The following MBTPS2 variants were observed in gnomAD, a reference collection of about 807,000 sequenced individuals.
The protein encoded by MBTPS2 is membrane-bound transcription factor site-2 protease.
A neutral mutation model predicts 35.4 loss-of-function variants in MBTPS2; 2 were observed. The observed-to-expected ratio is 0.06, with a 90% confidence interval of 0.02 to 0.18. The LOEUF (loss-of-function observed/expected upper bound fraction) is 0.18, where lower values mean the gene tolerates loss of function less well. Among genes scored for constraint, MBTPS2 ranks in the 10% least tolerant of loss-of-function variants. The probability of loss-of-function intolerance (pLI) is 1.00; values close to 1 mark genes in which losing one functional copy is unlikely to be tolerated. For synonymous variants in MBTPS2, 125 were observed against 140.4 expected (o/e 0.89, Z 0.77); for missense variants, 244 against 386.5 (o/e 0.63, Z 3.09).
At chrX:21,852,097 A>G (rs2092915414) in intron 4 of MBTPS2, among the ~76,000 whole-genome samples, 1 of 112,180 alleles carries the variant, frequency 8.9e-6, no homozygotes, top group African/African-American at 3.2e-5. Context: ...TAGAAACCCA[A>G]GTGGAAGATA....
chrX:21,872,852 C>G (rs778555179), intron 7 of MBTPS2: 31 of 106,661 alleles, frequency 2.9e-4, no homozygotes, highest in Non-Finnish European at 4.4e-4. Flanking sequence ...AGGCTTAGCC[C>G]CTGGGTCTGT....
chrX:21,850,692 T>C lies in MBTPS2; in HGVS notation c.439-817T>C, dbSNP rs1049150913. On this transcript the variant is annotated intron_variant, in intron 3 of 10. Coordinates refer to ENST00000379484, the MANE Select transcript of MBTPS2 (RefSeq NM_015884.4). Reference sequence around the variant, plus strand: ...TTATCTTACGAGAATATATCTTTGCTATCTAAAAAAATTTGCTGTGCAGCT... The same window carrying C: ...TTATCTTACGAGAATATATCTTTGCCATCTAAAAAAATTTGCTGTGCAGCT... Among the ~76,000 whole-genome samples, 4 of 111,442 alleles carry C rather than the reference T, an allele frequency of 3.6e-5. No individual in the cohort carries two copies. In the Admixed American group the frequency reaches 3.8e-4, roughly 11 times the overall value.
chrX:21,865,536 C>T (rs1318387559), intron 5 of MBTPS2, among the ~76,000 whole-genome samples: 1 of 112,171 alleles, frequency 8.9e-6, no homozygotes, highest in Admixed American at 9.5e-5. Flanking sequence ...AAACCCTGTT[C>T]TTATTTGTAT....
Position 21,845,236 on chromosome X carries a change from C to T in MBTPS2, c.290C>T (p.Thr97Met), listed in dbSNP as rs199974151. The T allele has an allele frequency of 4.1e-5, 49 of 1,209,409 alleles. 1 individual carries two copies. The Middle Eastern group carries it at 6.9e-4, about 17-fold the overall frequency. The change falls in exon 3 of 11, where the codon ACG becomes ATG. Residue 97 changes from threonine (T) to methionine (M), a missense_variant. Physicochemically the swap from Thr to Met is moderately conservative, Grantham distance 81. Coordinates refer to ENST00000379484, the MANE Select transcript of MBTPS2 (RefSeq NM_015884.4). ...MFSSFFLLGK[T>M]LMQTLAQMMA... Reference sequence around the variant, plus strand: ...AGCTCATTTTTTCTCCTTGGAAAAACGCTGATGCAGACTTTGGCACAAATG... The same window carrying T: ...AGCTCATTTTTTCTCCTTGGAAAAATGCTGATGCAGACTTTGGCACAAATG...
In MBTPS2 at chrX:21,883,284, A is replaced by G. The variant is rs954608031; in HGVS notation, c.*629A>G. 5.0e-5 allele frequency: 38 copies of G among 756,627 alleles called. No individual in the cohort carries two copies. Among genetic ancestry groups the G allele is most frequent in the Non-Finnish European group, 5.8e-5 (37 of 640,679 alleles). The allele number at this position is 756,627 out of a possible 1,213,427, so 62.4% of individuals were successfully genotyped here. A position where few individuals can be genotyped will look rare whatever the true frequency, so the allele number is the denominator to read the frequency against. The stretch of plus-strand genomic sequence containing the variant: ...CAAAACAGGAAGTAGGGCCTATGAT[A>G]TCGTGAGACATGTTTTGCCCCACAA... On this transcript the variant is annotated 3_prime_UTR_variant, in exon 11 of 11. Transcript: ENST00000379484.
intron 10 of MBTPS2, among the ~76,000 whole-genome samples, chrX:21,881,942 A>G (rs768631107): frequency 7.1e-5 from 8 of 111,900 alleles, no homozygotes; most frequent in African/African-American, 2.3e-4. Context: ...TCTCAACAAC[A>G]ACAACAAAAA....
chrX:21,860,018 G>A (rs2092929290), intron 5 of MBTPS2, among the ~76,000 whole-genome samples: 1 of 109,168 alleles, frequency 9.2e-6, no homozygotes, highest in Admixed American at 9.7e-5. Flanking sequence ...CTGGAGCTGG[G>A]GAAGTCGAGG....
chrX:21,857,423 C>T, intron 5 of MBTPS2: 3 of 1,212,262 alleles, frequency 2.5e-6, no homozygotes, highest in Non-Finnish European at 3.3e-6. Flanking sequence ...CCTTTCAGTG[C>T]ACATTCGAAG....
At chrX:21,851,993 T>A (rs1013736023) in intron 4 of MBTPS2, among the ~76,000 whole-genome samples, 2 of 112,104 alleles carry the variant, frequency 1.8e-5, no homozygotes, top group African/African-American at 3.2e-5. Context: ...ATTTGACTTA[T>A]CAGCTGAAAT....
At chrX:21,866,695 T>G (rs1320477234) in intron 5 of MBTPS2, among the ~76,000 whole-genome samples, 1 of 111,235 alleles carries the variant, frequency 9.0e-6, no homozygotes, top group African/African-American at 3.3e-5. Context: ...AATTATGGAT[T>G]TACCCCTAGT....
chrX:21,843,337 T>C lies in MBTPS2; in HGVS notation c.224+19T>C. On this transcript the variant is annotated intron_variant, in intron 2 of 10. Coordinates refer to ENST00000379484, the MANE Select transcript of MBTPS2 (RefSeq NM_015884.4). ...ACCAATGGTATTCTTCATCTTCTTT[T>C]GTTTGGTTTAGGTTAATCATTAAGT... 1 of 1,203,717 alleles carries C rather than the reference T, an allele frequency of 8.3e-7. No individual in the cohort carries two copies. Among genetic ancestry groups the C allele is most frequent in the Non-Finnish European group, 1.1e-6 (1 of 887,952 alleles).
intron 5 of MBTPS2, chrX:21,857,363 T>G (rs1169948298): frequency 8.3e-7 from 1 of 1,210,884 alleles, no homozygotes. Flanking sequence ...AAGCTTTTCT[T>G]GAGAGCTCAA....
intron 9 of MBTPS2, among the ~76,000 whole-genome samples, chrX:21,879,946 A>ATTTTTTTTTTTTTTTT (rs1569329172): frequency 2.5e-5 from 1 of 40,539 alleles, no homozygotes. Context: ...GTTTTATGTT[A>ATTTTTTTTTTTTTTTT]TTCTTTTTTT....
chrX:21,851,703 C>A, intron 4 of MBTPS2, 91 bp downstream of exon 4: 1 of 633,263 alleles, frequency 1.6e-6, no homozygotes, highest in South Asian at 2.2e-5. Context: ...ATATTTGATA[C>A]TTCACTATTT....
chrX:21,839,878 T>G, intron 1 of MBTPS2, 69 bp downstream of exon 1: 5 of 1,015,936 alleles, frequency 4.9e-6, no homozygotes, highest in Non-Finnish European at 6.8e-6. Flanking sequence ...TTCTTTTCTC[T>G]TCCCCTGCCT....
chrX:21,882,286 T>A (rs921811469), intron 10 of MBTPS2, 147 bp from the exon 11 acceptor site: 18 of 498,225 alleles, frequency 3.6e-5, no homozygotes, highest in South Asian at 2.3e-4. Flanking sequence ...GTAGTAGAGA[T>A]CTAAGAAGGA....
At chrX:21,870,152 A>G (rs1209439412) in intron 7 of MBTPS2, 2 of 108,253 alleles carry the variant, frequency 1.8e-5, no homozygotes, top group Non-Finnish European at 3.8e-5. Flanking sequence ...GAGGCAGGAG[A>G]ATCGCTTGAA....
rs7891412 is a variant in MBTPS2 at position 21,863,872 on chromosome X, A to G, written c.671-4595A>G. The stretch of plus-strand genomic sequence containing the variant: ...CTTTCCCAGGCAAGGGGGCAAGGTT[A>G]GGGGTGGGGAGGAGATGCTTATCTT... On this transcript the variant is annotated intron_variant, in intron 5 of 10. Transcript: ENST00000379484. Among the ~76,000 whole-genome samples the G allele has an allele frequency of 5.4e-3, 599 of 111,729 alleles. 5 individuals carry two copies. Among genetic ancestry groups the G allele is most frequent in the African/African-American group, 0.019 (575 of 30,786 alleles).
intron 2 of MBTPS2, 90 bp downstream of exon 2, chrX:21,843,408 C>A (rs1477799821): frequency 5.2e-6 from 5 of 955,455 alleles, no homozygotes; most frequent in Non-Finnish European, 6.0e-6. Context: ...CATTACTTTG[C>A]AGTTTTCTGA....
Sources: allele counts gnomAD v4.1 joint callset (sites outside exome capture counted in the v4.1 genomes callset), GRCh38; gene constraint gnomAD v4.1.1; transcripts MANE v1.5; gene names NCBI Gene and HGNC (gene_info 2026-07-23, HGNC 2026-07-21).